Variants in TMEM222 observed in about 807,000 individuals in gnomAD.
The protein encoded by TMEM222 is transmembrane protein 222, also known as chromosome 1 open reading frame 160.
A neutral mutation model predicts 25.1 loss-of-function variants in TMEM222; 18 were observed. The ratio of observed to expected loss-of-function variants is 0.72; its 90% CI spans 0.50 to 1.06. The LOEUF (loss-of-function observed/expected upper bound fraction) is 1.06. TMEM222 is among the 50% of genes least tolerant of loss of function. The pLI is 0.00. For missense variants in TMEM222, 296 were observed against 293.7 expected, an observed-to-expected ratio of 1.01 and a Z score of -0.06; for synonymous variants, 131 against 117.9, an observed-to-expected ratio of 1.11 and a Z score of -0.72.
At chr1:27,324,364 G>A (rs1006203724) in intron 1 of TMEM222, among the ~76,000 whole-genome samples, 2 of 152,220 alleles carry the variant, frequency 1.3e-5, no homozygotes, top group Non-Finnish European at 2.9e-5. Context: ...CTCAGGAAAT[G>A]TATTGGTTTT....
chr1:27,331,926 C>T, intron 2 of TMEM222, 144 bp from the exon 3 acceptor site: 1 of 879,494 alleles, frequency 1.1e-6, no homozygotes, highest in South Asian at 1.5e-5. Flanking sequence ...ATGCCAGCCC[C>T]AGGGCAGGGC....
chr1:27,334,874 C>T (rs912309161), intron 5 of TMEM222: 11 of 1,006,840 alleles, frequency 1.1e-5, no homozygotes, highest in Admixed American at 9.4e-5. Context: ...TAGAAGTCCC[C>T]TGAGAATAAC....
chr1:27,325,623 G>A (rs116126338), intron 1 of TMEM222: 22,557 of 879,666 alleles, frequency 0.026, 423 homozygotes, highest in Non-Finnish European at 0.036. Flanking sequence ...GGAGATTAAC[G>A]CCCTGGCATC....
chr1:27,322,196 GC>G lies in TMEM222; in HGVS notation c.-1del. ...GGCCAGTCGGAGCGGGGCGCGCGCC[GC>G]ATGGCGGAAGCGGAAGGGAGTTCTC... On this transcript the variant is annotated 5_prime_UTR_variant, in exon 1 of 6. Transcript: ENST00000374076. 1 of 1,389,436 alleles carries G rather than the reference GC, an allele frequency of 7.2e-7. No individual in the cohort carries two copies. 86.1% of individuals were successfully genotyped at this position (1,389,436 alleles called of 1,614,324 possible).
Position 27,333,898 on chromosome 1 carries a change from G to C in TMEM222, c.312-60G>C, listed in dbSNP as rs2014539939. On this transcript the variant is annotated intron_variant, in intron 3 of 5. Transcript: ENST00000374076. Reference sequence around the variant, plus strand: ...GCACAGGGCAGGCCTCAGAGGACGTGCGTAGAGCTGAGGGCACAAAGGAGC... The same window carrying C: ...GCACAGGGCAGGCCTCAGAGGACGTCCGTAGAGCTGAGGGCACAAAGGAGC... 2.0e-6 allele frequency: 3 copies of C among 1,504,248 alleles called. No homozygotes were observed. In the South Asian group the frequency reaches 3.6e-5, roughly 18 times the overall value. The allele number at this position is 1,504,248 out of a possible 1,614,324, so 93.2% of individuals were successfully genotyped here.
intron 3 of TMEM222, chr1:27,332,635 G>C: frequency 1.5e-6 from 1 of 658,878 alleles, no homozygotes; most frequent in Non-Finnish European, 2.8e-6. Context: ...TCAGCTGTGG[G>C]CCTGGTGAGA....
In TMEM222 at chr1:27,322,359, C is replaced by T. The variant is rs752273932; in HGVS notation, c.162C>T (p.Tyr54=). The T allele has an allele frequency of 5.3e-6, 8 of 1,504,716 alleles. No individual in the cohort carries two copies. The African/African-American group carries it at 7.2e-5, about 13-fold the overall frequency. The allele number at this position is 1,504,716 out of a possible 1,614,324, so 93.2% of individuals were successfully genotyped here. A position where few individuals can be genotyped will look rare whatever the true frequency, so the allele number is the denominator to read the frequency against. ...ATGTGGAACGGAGTCGCTTCCCCTACTGCGTGGTGTGGACGCCCATCCCGG... is the reference window on the plus strand; with the variant it reads ...ATGTGGAACGGAGTCGCTTCCCCTATTGCGTGGTGTGGACGCCCATCCCGG... ...AMDVERSRFP[Y]CVVWTPIPVL... is the part of the protein sequence containing the mutation. Residue 54 remains tyrosine, a synonymous_variant, in exon 1 of 6, where the codon TAC becomes TAT. Transcript: ENST00000374076.
In TMEM222 at chr1:27,335,689, G is replaced by GT. The variant is rs2014589035; in HGVS notation, c.*224dup. The GT allele has an allele frequency of 5.2e-6, 3 of 582,166 alleles. No homozygotes were observed. The highest frequency in any genetic ancestry group is 3.1e-6 in the Non-Finnish European group (1 of 325,472). The allele number at this position is 582,166 out of a possible 1,614,324, so 36.1% of individuals were successfully genotyped here. On this transcript the variant is annotated 3_prime_UTR_variant, in exon 6 of 6. Coordinates refer to ENST00000374076, the MANE Select transcript of TMEM222 (RefSeq NM_032125.3). ...ACCCTGTCCCCTCCTCCCCAGGCCTGTGACTCCGGCCCTGGAAGCCCCTTT... is the reference window on the plus strand; with the variant it reads ...ACCCTGTCCCCTCCTCCCCAGGCCTGTTGACTCCGGCCCTGGAAGCCCCTTT...
At chr1:27,333,918 A>G (rs1165901633) in intron 3 of TMEM222, 40 bp from the exon 4 acceptor site, 1 of 1,586,738 alleles carries the variant, frequency 6.3e-7, no homozygotes, top group Non-Finnish European at 8.6e-7. Flanking sequence ...GAGGGCACAA[A>G]GGAGCCAAGC....
At chr1:27,325,406 G>C (rs1415745024) in intron 1 of TMEM222, 3 of 1,081,372 alleles carry the variant, frequency 2.8e-6, no homozygotes, top group Middle Eastern at 2.0e-4. Flanking sequence ...CGGATGGCCA[G>C]GTCATCACCA....
intron 1 of TMEM222, among the ~76,000 whole-genome samples, chr1:27,329,926 A>C (rs1456069025): frequency 6.6e-6 from 1 of 151,738 alleles, no homozygotes; most frequent in Non-Finnish European, 1.5e-5. Flanking sequence ...ACGTGATGAA[A>C]CCTCATGTCT....
At position 27,330,921 on chromosome 1, in the gene TMEM222, TCCTGGC is replaced by T; in HGVS notation, c.279+127_279+132del. The T allele has an allele frequency of 2.5e-6, 4 of 1,577,122 alleles. No individual in the cohort carries two copies. The South Asian group carries it at 3.4e-5, about 14-fold the overall frequency. On this transcript the variant is annotated intron_variant, in intron 2 of 5. Transcript: ENST00000374076. ...CCAGGAGAACGTAGATAACCCGCAG[TCCTGGC>T]CCTGGCCCTCTGCCCCTCACCAGTG...
At chr1:27,332,998 A>G in intron 3 of TMEM222, 2 of 303,084 alleles carry the variant, frequency 6.6e-6, no homozygotes, top group Non-Finnish European at 6.6e-6. Flanking sequence ...TTGGCCTGAG[A>G]CCCACCGGGC....
intron 5 of TMEM222, 124 bp downstream of exon 5, chr1:27,334,405 G>A (rs1232556873): frequency 1.4e-6 from 2 of 1,468,844 alleles, no homozygotes; most frequent in Non-Finnish European, 1.8e-6. Context: ...GCCAGTTGGA[G>A]CCGTGGTGGT....
chr1:27,335,108 G>C (rs974361531), intron 5 of TMEM222: 3 of 535,264 alleles, frequency 5.6e-6, no homozygotes, highest in Non-Finnish European at 1.0e-5. Context: ...CCTAGAAATG[G>C]GGAGCATGTT....
chr1:27,332,232 C>A, intron 3 of TMEM222, 131 bp downstream of exon 3: 2 of 1,048,378 alleles, frequency 1.9e-6, no homozygotes, highest in Admixed American at 1.9e-5. Flanking sequence ...GAGAGGTCAG[C>A]CAGGGTCCAC....
At chr1:27,334,352 C>A in intron 5 of TMEM222, 71 bp downstream of exon 5, 2 of 1,600,260 alleles carry the variant, frequency 1.2e-6, no homozygotes, top group Non-Finnish European at 1.7e-6. Context: ...CTAGAAAGAC[C>A]ATTCCTAGCG....
chr1:27,330,947 C>T (rs1347098303), intron 2 of TMEM222, 143 bp downstream of exon 2: 1 of 1,539,736 alleles, frequency 6.5e-7, no homozygotes, highest in Non-Finnish European at 8.8e-7. Flanking sequence ...CTGCCCCTCA[C>T]CAGTGTTTGA....
At chr1:27,322,494 C>A in intron 1 of TMEM222, 103 bp downstream of exon 1, 1 of 1,147,092 alleles carries the variant, frequency 8.7e-7, no homozygotes, top group Non-Finnish European at 1.1e-6. Context: ...GCCTTTTCCT[C>A]GGGTCTGGCC....
Sources: gnomAD v4.1 joint callset for allele counts (sites outside exome capture counted in the v4.1 genomes callset) on GRCh38, gnomAD v4.1.1 for gene constraint, MANE v1.5 for transcripts, NCBI Gene and HGNC (gene_info 2026-07-23, HGNC 2026-07-21) for gene names.